Variants in NAALADL2 observed in about 807,000 individuals in gnomAD.
NAALADL2 encodes the protein N-acetylated alpha-linked acidic dipeptidase like 2, also known as inactive N-acetylated-alpha-linked acidic dipeptidase-like protein 2.
NAALADL2 carries 76 observed loss-of-function variants against 87.2 expected under a neutral mutation model. The ratio of observed to expected loss-of-function variants is 0.87; its 90% confidence interval spans 0.72 to 1.05. The LOEUF (loss-of-function observed/expected upper bound fraction) is 1.05. NAALADL2 is among the 50% of genes least tolerant of loss of function. The pLI is 0.00. For synonymous variants in NAALADL2, 354 were observed against 331.0 expected (o/e 1.07, Z -0.75); for missense variants, 1,089 against 945.8 (o/e 1.15, Z -1.99).
chr3:174,753,069 C>T (rs1403829373), intron 3 of NAALADL2, among the ~76,000 whole-genome samples: 2 of 152,100 alleles, frequency 1.3e-5, no homozygotes, highest in African/African-American at 4.8e-5. Flanking sequence ...AATTTGCTAA[C>T]AAATTTACCT....
chr3:175,396,608 C>A (rs1769826247), intron 5 of NAALADL2, among the ~76,000 whole-genome samples: 2 of 151,970 alleles, frequency 1.3e-5, no homozygotes, highest in African/African-American at 4.8e-5. Context: ...AAATCTAGGT[C>A]TTTGGTTATA....
At chr3:175,013,270 TATATATAC>T (rs1429508020) in intron 1 of NAALADL2, among the ~76,000 whole-genome samples, 31 of 94,186 alleles carry the variant, frequency 3.3e-4, no homozygotes, top group African/African-American at 1.6e-3. Context: ...TATATTTTTA[TATATATAC>T]ATATATATAT....
chr3:174,752,952 AGTAT>A (rs1216708983), intron 3 of NAALADL2, among the ~76,000 whole-genome samples: 2 of 152,236 alleles, frequency 1.3e-5, no homozygotes, highest in Non-Finnish European at 2.9e-5. Flanking sequence ...CACATTTAAT[AGTAT>A]GTATTCTAAT....
At chr3:175,082,302 C>T (rs190485519) in intron 1 of NAALADL2, among the ~76,000 whole-genome samples, 7 of 152,202 alleles carry the variant, frequency 4.6e-5, no homozygotes, top group African/African-American at 1.7e-4. Context: ...GAATGGAAGA[C>T]TGGTTTTGGT....
At chr3:174,774,721 C>G (rs937701564) in intron 3 of NAALADL2, among the ~76,000 whole-genome samples, 2 of 152,188 alleles carry the variant, frequency 1.3e-5, no homozygotes, top group African/African-American at 4.8e-5. Context: ...GTTGCAGGTA[C>G]ATACTTACAT....
intron 2 of NAALADL2, among the ~76,000 whole-genome samples, chr3:174,569,322 G>T (rs1714651938): frequency 1.3e-5 from 2 of 151,956 alleles, no homozygotes; most frequent in East Asian, 1.9e-4. Flanking sequence ...GAATAGTATA[G>T]AAATTAAAAA....
chr3:175,555,716 T>C (rs773662074), intron 9 of NAALADL2, among the ~76,000 whole-genome samples: 5 of 152,184 alleles, frequency 3.3e-5, no homozygotes, highest in Non-Finnish European at 7.4e-5. Flanking sequence ...GTATATAACA[T>C]AAATATCTCT....
intron 5 of NAALADL2, among the ~76,000 whole-genome samples, chr3:175,398,793 T>C (rs1770170726): frequency 6.6e-6 from 1 of 152,090 alleles, no homozygotes; most frequent in South Asian, 2.1e-4. Context: ...AGTTTATTAG[T>C]CATTTTATTT....
chr3:174,963,714 C>G (rs1292465156), intron 1 of NAALADL2, among the ~76,000 whole-genome samples: 2 of 151,984 alleles, frequency 1.3e-5, no homozygotes, highest in Non-Finnish European at 2.9e-5. Context: ...GCACATATTA[C>G]GAGCTCAACA....
intron 9 of NAALADL2, among the ~76,000 whole-genome samples, chr3:175,508,031 T>A (rs1182299528): frequency 6.6e-6 from 1 of 152,130 alleles, no homozygotes; most frequent in Non-Finnish European, 1.5e-5. Flanking sequence ...AAGCTTCCAA[T>A]CATGGCAGAA....
chr3:175,075,805 G>A (rs60409573), intron 1 of NAALADL2, among the ~76,000 whole-genome samples: 4,816 of 152,124 alleles, frequency 0.032, 248 homozygotes, highest in African/African-American at 0.11. Context: ...CTGAACTATG[G>A]TAACTGTAAA....
chr3:175,082,254 A>G (rs961613842), intron 1 of NAALADL2, among the ~76,000 whole-genome samples: 16 of 152,218 alleles, frequency 1.1e-4, no homozygotes, highest in Non-Finnish European at 2.2e-4. Context: ...TAATCTATGT[A>G]TAACAGGGGC....
intron 11 of NAALADL2, among the ~76,000 whole-genome samples, chr3:175,698,243 A>G (rs554446609): frequency 1.6e-5 from 1 of 63,658 alleles, no homozygotes; most frequent in Non-Finnish European, 2.6e-5. Context: ...GTATACATAT[A>G]TATGTGTATA....
intron 5 of NAALADL2, among the ~76,000 whole-genome samples, chr3:175,414,981 A>G (rs1714309354): frequency 6.6e-6 from 1 of 152,174 alleles, no homozygotes; most frequent in Non-Finnish European, 1.5e-5. Context: ...TCAAAAGAAA[A>G]CACTTTTAAG....
intron 2 of NAALADL2, among the ~76,000 whole-genome samples, chr3:175,166,942 A>G (rs531895288): frequency 2.2e-4 from 34 of 152,100 alleles, no homozygotes; most frequent in African/African-American, 8.2e-4. Context: ...CCTCTAATCA[A>G]TCATTCAATT....
chr3:175,332,438 C>A (rs547579737), intron 5 of NAALADL2, among the ~76,000 whole-genome samples: 1 of 152,242 alleles, frequency 6.6e-6, no homozygotes, highest in South Asian at 2.1e-4. Flanking sequence ...GTAGCTGGGA[C>A]CAAAGGGATG....
chr3:175,372,786 T>C (rs977324419), intron 5 of NAALADL2, among the ~76,000 whole-genome samples: 3 of 152,234 alleles, frequency 2.0e-5, no homozygotes, highest in Non-Finnish European at 4.4e-5. Context: ...CACACTAACC[T>C]TGCAGTATTT....
At chr3:175,040,608 A>G (rs1753955253) in intron 1 of NAALADL2, among the ~76,000 whole-genome samples, 1 of 152,110 alleles carries the variant, frequency 6.6e-6, no homozygotes, top group Admixed American at 6.6e-5. Context: ...ATCATTTTAT[A>G]CCTCTATAAC....
intron 10 of NAALADL2, among the ~76,000 whole-genome samples, chr3:175,624,317 G>C (rs936207850): frequency 3.3e-5 from 5 of 151,996 alleles, no homozygotes; most frequent in African/African-American, 1.2e-4. Flanking sequence ...CTTTATGCCA[G>C]ACATTCCTAA....
Sources: allele counts gnomAD v4.1 joint callset (sites outside exome capture counted in the v4.1 genomes callset), GRCh38; gene constraint gnomAD v4.1.1; transcripts MANE v1.5; gene names NCBI Gene and HGNC (gene_info 2026-07-23, HGNC 2026-07-21).